The following AMER1 variants were observed in gnomAD, a reference collection of about 807,000 sequenced individuals.
AMER1 encodes RP11-403E24.2.
AMER1 carries 16 observed loss-of-function variants against 53.0 expected under a neutral mutation model. The observed-to-expected ratio is 0.30, with a 90% CI of 0.20 to 0.46. The LOEUF (loss-of-function observed/expected upper bound fraction) is 0.46, where lower values mean the gene tolerates loss of function less well. Among genes scored for constraint, AMER1 ranks in the 20% least tolerant of loss-of-function variants. AMER1 has a pLI of 1.00. For missense variants in AMER1, 947 were observed against 884.9 expected (o/e 1.07, Z -0.89); for synonymous variants, 354 against 331.9 (o/e 1.07, Z -0.73).
rs2147089303 is a variant in AMER1 at position 64,192,306 on chromosome X, A to C, written c.981T>G (p.Gly327=). The C allele has an allele frequency of 1.7e-6, 2 of 1,211,962 alleles. No homozygotes were observed. Among genetic ancestry groups the C allele is most frequent in the Non-Finnish European group, 2.2e-6 (2 of 895,562 alleles). The change falls in exon 2 of 2, where the codon GGT becomes GGG. Residue 327 remains glycine (G), a synonymous_variant. Coordinates refer to ENST00000374869, the MANE Select transcript of AMER1 (RefSeq NM_152424.4). ...CCTGTTCTGCTATTATGTCACCACA[A>C]CCTGTCAATGAATCAAAGCTTTTCA... ...TSLKSFDSLT[G]CGDIIAEQDM...
At position 64,191,480 on chromosome X, in the gene AMER1, C is replaced by T. The variant is rs779976787; in HGVS notation, c.1807G>A (p.Ala603Thr). 1.1e-5 allele frequency: 13 copies of T among 1,212,050 alleles called. No individual in the cohort carries two copies. In the South Asian group the frequency reaches 2.3e-4, roughly 21 times the overall value. The change falls in exon 2 of 2, where the codon GCT becomes ACT. Residue 603 changes from alanine (A) to threonine (T), a missense_variant. Transcript: ENST00000374869. ...AHAREAYTRE[A>T]YGREAYAREA... Reference sequence around the variant, plus strand: ...CTGGCATAGGCTTCCCTGCCATAAGCCTCTCGAGTATAGGCCTCCCTGGCG... The same window carrying T: ...CTGGCATAGGCTTCCCTGCCATAAGTCTCTCGAGTATAGGCCTCCCTGGCG...
chrX:64,204,534 T>C (rs915386141), intron 1 of AMER1, among the ~76,000 whole-genome samples: 1 of 112,903 alleles, frequency 8.9e-6, no homozygotes, highest in Non-Finnish European at 1.9e-5. Flanking sequence ...GCGGGCTGGG[T>C]ATGTTAAGTA....
At position 64,188,164 on chromosome X, in the gene AMER1, A is replaced by C; in HGVS notation, c.*1715T>G. On this transcript the variant is annotated 3_prime_UTR_variant, in exon 2 of 2. Transcript: ENST00000374869. ...ATCTGTTCCCAAGCTAAATTGCCAT[A>C]TCTCAGGAATGGCAAGAACCCTGTT... 1 of 803,372 alleles carries C rather than the reference A, an allele frequency of 1.2e-6. No homozygotes were observed. Among genetic ancestry groups the C allele is most frequent in the South Asian group, 6.6e-5 (1 of 15,222 alleles). 66.2% of individuals were successfully genotyped at this position (803,372 alleles called of 1,213,427 possible).
At position 64,187,451 on chromosome X, in the gene AMER1, G is replaced by A. The variant is rs1930132198; in HGVS notation, c.*2428C>T. ...CCAAAGCCCAACAAAGTGTGTCAGG[G>A]CTATGCCAGTGCCCCTCAGAGACAA... On this transcript the variant is annotated 3_prime_UTR_variant, in exon 2 of 2. Coordinates refer to ENST00000374869, the MANE Select transcript of AMER1 (RefSeq NM_152424.4). 1 of 789,449 alleles carries A rather than the reference G, an allele frequency of 1.3e-6. No individual in the cohort carries two copies. The highest frequency in any genetic ancestry group is 2.2e-5 in the African/African-American group (1 of 44,787). The allele number at this position is 789,449 out of a possible 1,213,427, so 65.1% of individuals were successfully genotyped here.
chrX:64,195,428 C>T (rs778245203), intron 1 of AMER1, among the ~76,000 whole-genome samples: 1 of 112,257 alleles, frequency 8.9e-6, no homozygotes, highest in African/African-American at 3.2e-5. Context: ...CCAGCCTTTG[C>T]TTCTAAGGAG....
rs112308756 is a variant in AMER1, at chrX:64,192,999, G to A, written c.288C>T (p.His96=). The A allele has an allele frequency of 3.5e-5, 42 of 1,210,029 alleles. No homozygotes were observed. The Admixed American group carries it at 6.3e-4, about 18-fold the overall frequency. ...SKKGLSKSKT[H]DGLSEAAHGP... ...CATGGGCTGCTTCACTCAGGCCATC[G>A]TGGGTCTTGCTCTTGCTGAGACCTT... The change falls in exon 2 of 2, where the codon CAC becomes CAT. Residue 96 remains histidine (H), a synonymous_variant. Transcript: ENST00000374869.
chrX:64,189,792 A>AGCGGGGGGGGCCCCCCCCCCCCCCCC lies in AMER1; in HGVS notation c.*86_*87insGGGGGGGGGGGGGGGGCCCCCCCCGC. ...CCAAAGGGTTTTCAAGTTAAACAAC[A>AGCGGGGGGGGCCCCCCCCCCCCCCCC]ACCCCCACCCCCCCACCCTTCTGCC... On this transcript the variant is annotated 3_prime_UTR_variant, in exon 2 of 2. Coordinates refer to ENST00000374869, the MANE Select transcript of AMER1 (RefSeq NM_152424.4). 1 of 746,979 alleles carries AGCGGGGGGGGCCCCCCCCCCCCCCCC rather than the reference A, an allele frequency of 1.3e-6. No individual in the cohort carries two copies. Among genetic ancestry groups the AGCGGGGGGGGCCCCCCCCCCCCCCCC allele is most frequent in the Non-Finnish European group, 1.7e-6 (1 of 590,434 alleles). 61.6% of individuals were successfully genotyped at this position (746,979 alleles called of 1,213,427 possible). A position where few individuals can be genotyped will look rare whatever the true frequency, so the allele number is the denominator to read the frequency against.
intron 1 of AMER1, among the ~76,000 whole-genome samples, chrX:64,201,095 C>A (rs1050460373): frequency 9.0e-6 from 1 of 111,288 alleles, no homozygotes; most frequent in Non-Finnish European, 1.9e-5. Context: ...AAGGCCACTG[C>A]AGCACCAGTA....
rs2147085518 is a variant in AMER1, at chrX:64,190,603, G to C, written c.2684C>G (p.Ser895Cys). The C allele has an allele frequency of 8.2e-7, 1 of 1,212,138 alleles. No homozygotes were observed. The highest frequency in any genetic ancestry group is 1.1e-6 in the Non-Finnish European group (1 of 895,612). The part of the protein sequence containing the change: ...AAMALNRRSR[S>C]LDTAETLEME... Reference sequence around the variant, plus strand: ...CTCCAGGGTCTCTGCAGTGTCGAGAGAGCGGCTTCTCCTGTTGAGGGCCAT... The same window carrying C: ...CTCCAGGGTCTCTGCAGTGTCGAGACAGCGGCTTCTCCTGTTGAGGGCCAT... The change falls in exon 2 of 2, where the codon TCT (serine) becomes TGT (cysteine). Residue 895 changes from serine (S) to cysteine (C), a missense_variant. By Grantham distance (112) the Ser-to-Cys change is moderately radical (BLOSUM62 -1). Coordinates refer to ENST00000374869, the MANE Select transcript of AMER1 (RefSeq NM_152424.4).
At position 64,189,793 on chromosome X, in the gene AMER1, A is replaced by ACCGGGGG; in HGVS notation, c.*85_*86insCCCCCGG. ...CAAAGGGTTTTCAAGTTAAACAACA[A>ACCGGGGG]CCCCCACCCCCCCACCCTTCTGCCC... On this transcript the variant is annotated 3_prime_UTR_variant, in exon 2 of 2. Transcript: ENST00000374869. 3.4e-6 allele frequency: 1 copy of ACCGGGGG among 292,059 alleles called. No homozygotes were observed. The allele number at this position is 292,059 out of a possible 1,213,427, so 24.1% of individuals were successfully genotyped here. A position where few individuals can be genotyped will look rare whatever the true frequency, so the allele number is the denominator to read the frequency against.
In AMER1 at chrX:64,186,273, C is replaced by G. The variant is rs1011951336; in HGVS notation, c.*3606G>C. On this transcript the variant is annotated 3_prime_UTR_variant, in exon 2 of 2. Coordinates refer to ENST00000374869, the MANE Select transcript of AMER1 (RefSeq NM_152424.4). The stretch of plus-strand genomic sequence containing the variant: ...GGCCCTAGGCAGTTGAGATGCCAGC[C>G]CTCTGCACAAGCAGCAGCAATTTTT... 43 of 1,078,937 alleles carry G rather than the reference C, an allele frequency of 4.0e-5. No individual in the cohort carries two copies. Among genetic ancestry groups the G allele is most frequent in the Non-Finnish European group, 5.1e-5 (42 of 824,927 alleles). The allele number at this position is 1,078,937 out of a possible 1,213,427, so 88.9% of individuals were successfully genotyped here.
At chrX:64,201,626 G>A (rs1930491594) in intron 1 of AMER1, among the ~76,000 whole-genome samples, 1 of 111,910 alleles carries the variant, frequency 8.9e-6, no homozygotes, top group Admixed American at 9.4e-5. Flanking sequence ...ATCACCCACT[G>A]TATCTGCCCA....
Position 64,190,645 on chromosome X carries a change from C to T in AMER1, c.2642G>A (p.Arg881Gln), listed in dbSNP as rs372769953. 89 of 1,209,849 alleles carry T rather than the reference C, an allele frequency of 7.4e-5. 1 individual carries two copies. The highest frequency in any genetic ancestry group is 9.4e-5 in the Non-Finnish European group (84 of 895,193). ...GAGGGCCATAGCAGCAGGTGGAGGT[C>T]GAGGGTGCAGGCCAGGCAGTCCCAA... Reference protein sequence around the residue: ...RYLGLPGLHPRPPPAAMALNR... With the variant: ...RYLGLPGLHPQPPPAAMALNR... The change falls in exon 2 of 2, where the codon CGA (arginine) becomes CAA (glutamine). Residue 881 changes from arginine to glutamine, a missense_variant. Physicochemically the swap from Arg to Gln is conservative, Grantham distance 43. Transcript: ENST00000374869.
chrX:64,189,793 A>ACCTC lies in AMER1; in HGVS notation c.*85_*86insGAGG. Reference sequence around the variant, plus strand: ...CAAAGGGTTTTCAAGTTAAACAACAACCCCCACCCCCCCACCCTTCTGCCC... The same window carrying ACCTC: ...CAAAGGGTTTTCAAGTTAAACAACAACCTCCCCCCACCCCCCCACCCTTCTGCCC... On this transcript the variant is annotated 3_prime_UTR_variant, in exon 2 of 2. Coordinates refer to ENST00000374869, the MANE Select transcript of AMER1 (RefSeq NM_152424.4). 1 of 292,073 alleles carries ACCTC rather than the reference A, an allele frequency of 3.4e-6. No individual in the cohort carries two copies. Among genetic ancestry groups the ACCTC allele is most frequent in the Non-Finnish European group, 4.9e-6 (1 of 204,832 alleles). 24.1% of individuals were successfully genotyped at this position (292,073 alleles called of 1,213,427 possible).
intron 1 of AMER1, among the ~76,000 whole-genome samples, chrX:64,199,710 C>G (rs756731115): frequency 1.6e-4 from 18 of 111,450 alleles, no homozygotes; most frequent in African/African-American, 5.5e-4. Context: ...CGCAGCACCC[C>G]CTGGCTCCCC....
rs770546383 is a variant in AMER1 at position 64,189,829 on chromosome X, C to T, written c.*50G>A. On this transcript the variant is annotated 3_prime_UTR_variant, in exon 2 of 2. Coordinates refer to ENST00000374869, the MANE Select transcript of AMER1 (RefSeq NM_152424.4). ...CCCACCCTTCTGCCCAACCCCTGAT[C>T]CCCATTCACATGCTCAGGCCCCGTG... is the stretch of plus-strand genomic sequence containing the variant. 1 of 895,275 alleles carries T rather than the reference C, an allele frequency of 1.1e-6. No individual in the cohort carries two copies. The highest frequency in any genetic ancestry group is 3.0e-5 in the Admixed American group (1 of 33,744). The allele number at this position is 895,275 out of a possible 1,213,427, so 73.8% of individuals were successfully genotyped here.
At position 64,185,712 on chromosome X, in the gene AMER1, G is replaced by A. The variant is rs1480650387; in HGVS notation, c.*4167C>T. On this transcript the variant is annotated 3_prime_UTR_variant, in exon 2 of 2. Transcript: ENST00000374869. ...TGGTAGGGGAGGAGATTCCCCCAAA[G>A]CAGCAAGAGGGGTGAAGGAGTTCCC... 5.6e-6 allele frequency: 1 copy of A among 179,666 alleles called. No individual in the cohort carries two copies. The highest frequency in any genetic ancestry group is 1.0e-5 in the Non-Finnish European group (1 of 95,433). The allele number at this position is 179,666 out of a possible 1,213,427, so 14.8% of individuals were successfully genotyped here. A position where few individuals can be genotyped will look rare whatever the true frequency, so the allele number is the denominator to read the frequency against.
At position 64,187,377 on chromosome X, in the gene AMER1, C is replaced by T; in HGVS notation, c.*2502G>A. On this transcript the variant is annotated 3_prime_UTR_variant, in exon 2 of 2. Coordinates refer to ENST00000374869, the MANE Select transcript of AMER1 (RefSeq NM_152424.4). The stretch of plus-strand genomic sequence containing the variant: ...CTTGCAGGCAGCAAGGCTGTCCAAA[C>T]CATGAACTCTCACTCAGCCCCAGGC... 1.3e-6 allele frequency: 1 copy of T among 793,985 alleles called. No individual in the cohort carries two copies. Among genetic ancestry groups the T allele is most frequent in the African/African-American group, 2.2e-5 (1 of 45,577 alleles). The allele number at this position is 793,985 out of a possible 1,213,427, so 65.4% of individuals were successfully genotyped here.
At position 64,191,134 on chromosome X, in the gene AMER1, A is replaced by T. The variant is rs2147086682; in HGVS notation, c.2153T>A (p.Leu718Gln). Residue 718 changes from leucine (L) to glutamine (Q), a missense_variant, in exon 2 of 2, where the codon CTG becomes CAG. Transcript: ENST00000374869. The part of the protein sequence containing the change: ...TCSKKDQSTC[L>Q]MQLFQSDAMF... ...GGCATCACTCTGGAAGAGCTGCATC[A>T]GGCAGGTACTTTGATCTTTCTTGGA... 1 of 1,212,336 alleles carries T rather than the reference A, an allele frequency of 8.2e-7. No individual in the cohort carries two copies. The highest frequency in any genetic ancestry group is 1.8e-5 in the South Asian group (1 of 57,024).
Sources: gnomAD v4.1 joint callset for allele counts (sites outside exome capture counted in the v4.1 genomes callset) on GRCh38, gnomAD v4.1.1 for gene constraint, MANE v1.5 for transcripts, NCBI Gene and HGNC (gene_info 2026-07-23, HGNC 2026-07-21) for gene names.